The following MED13L variants were observed in gnomAD, a reference collection of about 807,000 sequenced individuals.
MED13L encodes the protein mediator complex subunit 13L, also known as mediator of RNA polymerase II transcription subunit 13-like.
Under a neutral mutation model 220.9 loss-of-function variants are expected in MED13L, and 7 were observed. That is an observed-to-expected ratio of 0.03 (90% confidence interval 0.02 to 0.06). MED13L has a LOEUF of 0.06. Among genes scored for constraint, MED13L ranks in the 10% least tolerant of loss-of-function variants. MED13L has a pLI of 1.00. For synonymous variants in MED13L, 1,011 were observed against 1,015.2 expected (o/e 1.00, Z 0.08); for missense variants, 1,965 against 2,760.5 (o/e 0.71, Z 6.46).
At chr12:116,120,876 A>G (rs1875039348) in intron 2 of MED13L, among the ~76,000 whole-genome samples, 1 of 152,162 alleles carries the variant, frequency 6.6e-6, no homozygotes, top group South Asian at 2.1e-4. Flanking sequence ...TTTTCCTAAA[A>G]TTTTGTTGGT....
In MED13L at chr12:116,019,377, A is replaced by G. The variant is rs1471218693; in HGVS notation, c.856T>C (p.Leu286=). ...VRMVYPSAFV[L]ISQNDIPVPQ... The stretch of plus-strand genomic sequence containing the variant: ...ACCGGGATGTCATTCTGAGAGATCA[A>G]AACAAATGCTGAAGGGTAAACCATC... Residue 286 remains leucine (L), a synonymous_variant, in exon 7 of 31, where the codon TTG becomes CTG. Coordinates refer to ENST00000281928, the MANE Select transcript of MED13L (RefSeq NM_015335.5). 2 of 1,614,010 alleles carry G rather than the reference A, an allele frequency of 1.2e-6. No individual in the cohort carries two copies. Among genetic ancestry groups the G allele is most frequent in the Non-Finnish European group, 1.7e-6 (2 of 1,179,912 alleles).
At chr12:115,986,517 T>C (rs749115708) in intron 18 of MED13L, 28 bp from the exon 19 acceptor site, 2 of 1,604,284 alleles carry the variant, frequency 1.2e-6, no homozygotes, top group Non-Finnish European at 1.7e-6. Context: ...TGTAGAAAGG[T>C]GCTAGAGAGT....
chr12:116,069,212 C>T (rs1370422714), intron 4 of MED13L, among the ~76,000 whole-genome samples: 2 of 152,174 alleles, frequency 1.3e-5, no homozygotes, highest in African/African-American at 4.8e-5. Context: ...TTGTTGGCGG[C>T]TGAACTCACT....
chr12:116,099,347 T>A (rs945868149), intron 3 of MED13L, among the ~76,000 whole-genome samples: 8 of 152,184 alleles, frequency 5.3e-5, no homozygotes, highest in Non-Finnish European at 1.2e-4. Flanking sequence ...CCAAAAGCCA[T>A]TGTTACATTG....
At chr12:116,214,320 G>T (rs1882877814) in intron 2 of MED13L, among the ~76,000 whole-genome samples, 1 of 151,982 alleles carries the variant, frequency 6.6e-6, no homozygotes. Flanking sequence ...CTGCTTCTTG[G>T]ACCATCTGAC....
intron 1 of MED13L, among the ~76,000 whole-genome samples, chr12:116,257,393 G>C (rs922896269): frequency 6.6e-6 from 1 of 152,174 alleles, no homozygotes; most frequent in Non-Finnish European, 1.5e-5. Flanking sequence ...AGGCCTTGAA[G>C]TATGGCCAGA....
At chr12:116,033,947 A>T (rs549395256) in intron 4 of MED13L, among the ~76,000 whole-genome samples, 1 of 152,274 alleles carries the variant, frequency 6.6e-6, no homozygotes, top group East Asian at 1.9e-4. Context: ...CTACTTCTCC[A>T]GCCTCACTCA....
intron 16 of MED13L, among the ~76,000 whole-genome samples, chr12:115,993,241 C>T (rs1200141396): frequency 1.3e-5 from 2 of 152,122 alleles, no homozygotes; most frequent in African/African-American, 4.8e-5. Context: ...GACAACTGTA[C>T]TTTCTTAGAT....
At chr12:116,096,354 CAAAAAAAAAAAAAAAAAAAAA>C (rs537207957) in intron 4 of MED13L, among the ~76,000 whole-genome samples, 1 of 23,570 alleles carries the variant, frequency 4.2e-5, no homozygotes, top group African/African-American at 1.3e-4. Context: ...GACACAGCCT[CAAAAAAAAAAAAAAAAAAAAA>C]AAAAAAGTCA....
At chr12:116,180,929 CTCTT>C (rs1388373718) in intron 2 of MED13L, among the ~76,000 whole-genome samples, 2 of 123,054 alleles carry the variant, frequency 1.6e-5, no homozygotes, top group Admixed American at 1.0e-4. Context: ...ATTTCTCTCT[CTCTT>C]TTTTTTTTTT....
intron 4 of MED13L, among the ~76,000 whole-genome samples, chr12:116,043,732 C>T (rs1029707642): frequency 2.0e-5 from 3 of 152,178 alleles, no homozygotes; most frequent in African/African-American, 7.2e-5. Flanking sequence ...AGCCACTCAG[C>T]TCAATCCATA....
chr12:115,969,034 G>A lies in MED13L; in HGVS notation c.6131C>T (p.Thr2044Ile). ...DMDNDIGILM[T>I]GNLHSSPNSS... is the part of the protein sequence containing the mutation. Reference sequence around the variant, plus strand: ...GTTGGGAGAGGAATGGAGGTTCCCAGTCATTAATATGCCAATATCATTGTC... The same window carrying A: ...GTTGGGAGAGGAATGGAGGTTCCCAATCATTAATATGCCAATATCATTGTC... The change falls in exon 28 of 31, where the codon ACT becomes ATT. Residue 2044 changes from threonine to isoleucine, a missense_variant. Physicochemically the swap from Thr to Ile is moderately conservative, Grantham distance 89 (BLOSUM62 -1). Around this residue, in one of 10 missense-constraint regions of MED13L, gnomAD observed 145 missense variants for 328.3 expected, o/e 0.44. Transcript: ENST00000281928. 6.2e-7 allele frequency: 1 copy of A among 1,613,834 alleles called. No individual in the cohort carries two copies. Among genetic ancestry groups the A allele is most frequent in the South Asian group, 1.1e-5 (1 of 91,070 alleles).
intron 4 of MED13L, among the ~76,000 whole-genome samples, chr12:116,096,046 C>T (rs1408321452): frequency 2.6e-5 from 4 of 151,896 alleles, no homozygotes; most frequent in South Asian, 2.1e-4. Context: ...TTATTCCATA[C>T]AACACTTTTA....
chr12:116,195,478 T>G (rs1414208969), intron 2 of MED13L, among the ~76,000 whole-genome samples: 2 of 152,142 alleles, frequency 1.3e-5, no homozygotes, highest in Non-Finnish European at 2.9e-5. Context: ...TTTTTTGAGA[T>G]AGAGTCTGGC....
chr12:115,984,855 T>A, intron 19 of MED13L, among the ~76,000 whole-genome samples: 1 of 152,030 alleles, frequency 6.6e-6, no homozygotes. Context: ...AAGCAGTGAG[T>A]ATGCTGATCG....
chr12:115,984,116 G>A (rs1413690744), intron 20 of MED13L, 64 bp downstream of exon 20: 3 of 1,503,816 alleles, frequency 2.0e-6, no homozygotes, highest in East Asian at 4.6e-5. Flanking sequence ...TATAAAAGAA[G>A]GGATGGGACG....
intron 13 of MED13L, among the ~76,000 whole-genome samples, chr12:116,005,083 G>T (rs1592938248): frequency 6.6e-6 from 1 of 152,210 alleles, no homozygotes; most frequent in Middle Eastern, 3.4e-3. Flanking sequence ...CACCACAAAG[G>T]AATTAACCTT....
intron 2 of MED13L, among the ~76,000 whole-genome samples, chr12:116,122,195 G>A (rs749714252): frequency 6.6e-6 from 1 of 152,092 alleles, no homozygotes; most frequent in Non-Finnish European, 1.5e-5. Context: ...TAATCTAACT[G>A]CAGCAAATGA....
intron 2 of MED13L, among the ~76,000 whole-genome samples, chr12:116,202,743 G>C (rs566728726): frequency 6.6e-6 from 1 of 152,208 alleles, no homozygotes; most frequent in African/African-American, 2.4e-5. Context: ...TTCTTCCCCT[G>C]ACAGCCTCTG....
Sources: allele counts gnomAD v4.1 joint callset (sites outside exome capture counted in the v4.1 genomes callset), GRCh38; gene constraint gnomAD v4.1.1; regional missense constraint gnomAD v4.1.1; transcripts MANE v1.5; gene names NCBI Gene and HGNC (gene_info 2026-07-23, HGNC 2026-07-21).